Variants in TINAGL1 observed in about 807,000 individuals in gnomAD.
The protein encoded by TINAGL1 is tubulointerstitial nephritis antigen-like.
In TINAGL1, 34 loss-of-function variants were observed where a neutral mutation model predicts 62.0. That is an observed-to-expected ratio of 0.55 (90% confidence interval 0.42 to 0.73). The LOEUF is 0.73. Among genes scored for constraint, TINAGL1 ranks in the 30% least tolerant of loss-of-function variants. The pLI, the probability that TINAGL1 is intolerant of heterozygous loss-of-function variation, is 0.00. For missense variants in TINAGL1, 516 were observed against 653.2 expected (o/e 0.79, Z 2.29); for synonymous variants, 221 against 249.7 (o/e 0.88, Z 1.08).
In TINAGL1 at chr1:31,577,206, C is replaced by T; in HGVS notation, c.58C>T (p.Leu20=). Residue 20 remains leucine (L), a synonymous_variant, in exon 2 of 12, where the codon CTG becomes TTG. Transcript: ENST00000271064. The surrounding 1 kb of genome is among the most constrained non-coding windows in gnomAD (Gnocchi z 5.4). ...GCTGCCGCTGGCTGGCCACTTGGCT[C>T]TGGGTGCCCAGCAGGGTCGTGGGCG... is the stretch of plus-strand genomic sequence containing the variant. ...LLLPLAGHLA[L]GAQQGRGRRE... is the part of the protein sequence containing the mutation. 1 of 1,595,658 alleles carries T rather than the reference C, an allele frequency of 6.3e-7. No homozygotes were observed. The highest frequency in any genetic ancestry group is 1.1e-5 in the South Asian group (1 of 89,548).
intron 3 of TINAGL1, among the ~76,000 whole-genome samples, chr1:31,582,511 G>T (rs897568861): frequency 6.6e-6 from 1 of 152,114 alleles, no homozygotes; most frequent in Non-Finnish European, 1.5e-5. Context: ...GCCAGTGGAG[G>T]GTTTTGGGCA....
chr1:31,582,482 T>C (rs866161930), intron 3 of TINAGL1, among the ~76,000 whole-genome samples: 4 of 152,126 alleles, frequency 2.6e-5, no homozygotes, highest in Non-Finnish European at 5.9e-5. Context: ...AAACTTTGGC[T>C]CTTATTCTGT....
chr1:31,577,676 A>G lies in TINAGL1; in HGVS notation c.310+218A>G, dbSNP rs538919146. The stretch of plus-strand genomic sequence containing the variant: ...GCCCAGGGAAAGGGCAACCTCCCAC[A>G]TTTTCTCCCAATCCTGTCTCTTTTC... On this transcript the variant is annotated intron_variant, in intron 2 of 11. Transcript: ENST00000271064. The surrounding 1 kb of genome is among the most constrained non-coding windows in gnomAD (Gnocchi z 5.4). 37 of 571,722 alleles carry G rather than the reference A, an allele frequency of 6.5e-5. No homozygotes were observed. In the East Asian group the frequency reaches 9.6e-4, roughly 15 times the overall value. The allele number at this position is 571,722 out of a possible 1,614,324, so 35.4% of individuals were successfully genotyped here.
intron 3 of TINAGL1, among the ~76,000 whole-genome samples, chr1:31,581,939 T>C (rs1442952283): frequency 6.6e-6 from 1 of 152,208 alleles, no homozygotes; most frequent in Non-Finnish European, 1.5e-5. Flanking sequence ...ATTCATTGGG[T>C]GCTTACTATG....
In TINAGL1 at chr1:31,585,966, A is replaced by C. The variant is rs1046657875; in HGVS notation, c.1217+90A>C. ...GCCTTGGGTTCTTACAACCTCTCTAAAAAGCCAGGACTGCTCTCATCATTT... is the reference window on the plus strand; with the variant it reads ...GCCTTGGGTTCTTACAACCTCTCTACAAAGCCAGGACTGCTCTCATCATTT... On this transcript the variant is annotated intron_variant, in intron 10 of 11. Transcript: ENST00000271064. This position sits in a 1 kb window ranked among gnomAD's most constrained non-coding sequence, Gnocchi z 4.3. 1.4e-6 allele frequency: 2 copies of C among 1,446,306 alleles called. No homozygotes were observed. The highest frequency in any genetic ancestry group is 1.8e-6 in the Non-Finnish European group (2 of 1,090,762). The allele number at this position is 1,446,306 out of a possible 1,614,324, so 89.6% of individuals were successfully genotyped here. A position where few individuals can be genotyped will look rare whatever the true frequency, so the allele number is the denominator to read the frequency against.
Position 31,577,081 on chromosome 1 carries a change from C to T in TINAGL1, c.-15-53C>T. 7.2e-7 allele frequency: 1 copy of T among 1,393,340 alleles called. No individual in the cohort carries two copies. Among genetic ancestry groups the T allele is most frequent in the Non-Finnish European group, 9.4e-7 (1 of 1,062,116 alleles). The allele number at this position is 1,393,340 out of a possible 1,614,324, so 86.3% of individuals were successfully genotyped here. A position where few individuals can be genotyped will look rare whatever the true frequency, so the allele number is the denominator to read the frequency against. The stretch of plus-strand genomic sequence containing the variant: ...CTCACAGCTCCAGGAAACTGGGAGA[C>T]TCATCCCTGGTGTTCCAGGGAGTCT... On this transcript the variant is annotated intron_variant, in intron 1 of 11. Transcript: ENST00000271064. This position sits in a 1 kb window ranked among gnomAD's most constrained non-coding sequence, Gnocchi z 5.4.
Position 31,576,959 on chromosome 1 carries a change from C to T in TINAGL1, c.-15-175C>T, listed in dbSNP as rs150605976. The T allele has an allele frequency of 2.4e-3, 1,414 of 580,178 alleles. 22 individuals are homozygous for T. The highest frequency in any genetic ancestry group is 0.023 in the African/African-American group (1,249 of 53,476). 35.9% of individuals were successfully genotyped at this position (580,178 alleles called of 1,614,324 possible). A position where few individuals can be genotyped will look rare whatever the true frequency, so the allele number is the denominator to read the frequency against. On this transcript the variant is annotated intron_variant, in intron 1 of 11. Transcript: ENST00000271064. The surrounding 1 kb of genome is among the most constrained non-coding windows in gnomAD (Gnocchi z 5.1). ...GCTCCGTTTCTGCCCAGTCCCCATCCCCCTATAGCCAGGGCCCACACACTG... is the reference window on the plus strand; with the variant it reads ...GCTCCGTTTCTGCCCAGTCCCCATCTCCCTATAGCCAGGGCCCACACACTG...
chr1:31,584,604 T>C lies in TINAGL1; in HGVS notation c.583-74T>C, dbSNP rs116859504. On this transcript the variant is annotated intron_variant, in intron 5 of 11. Transcript: ENST00000271064. This position sits in a 1 kb window ranked among gnomAD's most constrained non-coding sequence, Gnocchi z 4.0. ...CAGAAGGCCCTGGACTTGGTGGCCC[T>C]CCAGTGCCAATGGGCACCTGAGGGG... 804 of 1,605,980 alleles carry C rather than the reference T, an allele frequency of 5.0e-4. 6 individuals are homozygous for C. The East Asian group carries it at 0.016, about 32-fold the overall frequency.
intron 3 of TINAGL1, chr1:31,580,174 T>G: frequency 3.5e-6 from 1 of 283,104 alleles, no homozygotes; most frequent in Non-Finnish European, 5.2e-6. Context: ...TCTCTCTCTC[T>G]CTCTCTCTCT....
rs200953189 is a variant in TINAGL1, at chr1:31,577,269, C to G, written c.121C>G (p.Arg41Gly). The change falls in exon 2 of 12, where the codon CGG (arginine) becomes GGG (glycine). Residue 41 changes from arginine to glycine, a missense_variant. Physicochemically the swap from Arg to Gly is moderately radical, Grantham distance 125. Coordinates refer to ENST00000271064, the MANE Select transcript of TINAGL1 (RefSeq NM_022164.3). The surrounding 1 kb of genome is among the most constrained non-coding windows in gnomAD (Gnocchi z 5.4). Reference protein sequence around the residue: ...LAPGLHLRGIRDAGGRYCQEQ... With the variant: ...LAPGLHLRGIGDAGGRYCQEQ... ...ACCGGGTCTGCACCTGCGGGGCATC[C>G]GGGACGCGGGAGGCCGGTACTGCCA... 6.2e-7 allele frequency: 1 copy of G among 1,611,808 alleles called. No individual in the cohort carries two copies. The highest frequency in any genetic ancestry group is 1.3e-5 in the African/African-American group (1 of 75,046).
Position 31,584,488 on chromosome 1 carries a change from GA to G in TINAGL1, c.583-189del, listed in dbSNP as rs1424578837. 1 of 801,340 alleles carries G rather than the reference GA, an allele frequency of 1.2e-6. No homozygotes were observed. The highest frequency in any genetic ancestry group is 1.7e-5 in the African/African-American group (1 of 57,710). The allele number at this position is 801,340 out of a possible 1,614,324, so 49.6% of individuals were successfully genotyped here. Reference sequence around the variant, plus strand: ...CCCCGCCCCACCACCTGATACCTGGGAGGCACTAAATGGTGCTTGGTTCTTC... The same window carrying G: ...CCCCGCCCCACCACCTGATACCTGGGGGCACTAAATGGTGCTTGGTTCTTC... On this transcript the variant is annotated intron_variant, in intron 5 of 11. Coordinates refer to ENST00000271064, the MANE Select transcript of TINAGL1 (RefSeq NM_022164.3). This position sits in a 1 kb window ranked among gnomAD's most constrained non-coding sequence, Gnocchi z 4.0.
In TINAGL1 at chr1:31,584,587, C is replaced by T. The variant is rs768906506; in HGVS notation, c.583-91C>T. 7.0e-5 allele frequency: 112 copies of T among 1,592,956 alleles called. No homozygotes were observed. Among genetic ancestry groups the T allele is most frequent in the Non-Finnish European group, 8.5e-5 (99 of 1,165,738 alleles). ...GGCTCAAGATTAAACTGCAGAAGGC[C>T]CTGGACTTGGTGGCCCTCCAGTGCC... On this transcript the variant is annotated intron_variant, in intron 5 of 11. Coordinates refer to ENST00000271064, the MANE Select transcript of TINAGL1 (RefSeq NM_022164.3). This position sits in a 1 kb window ranked among gnomAD's most constrained non-coding sequence, Gnocchi z 4.0.
chr1:31,586,432 G>A (rs1028549709), intron 10 of TINAGL1: 1 of 570,920 alleles, frequency 1.8e-6, no homozygotes, highest in Non-Finnish European at 3.1e-6. Context: ...CCCCTAGGAG[G>A]TGGGTCTCTG....
intron 3 of TINAGL1, chr1:31,580,283 C>T (rs1349747383): frequency 8.1e-7 from 1 of 1,229,320 alleles, no homozygotes; most frequent in South Asian, 1.4e-5. Flanking sequence ...TCCCTGGCCC[C>T]TTAGGCCCCC....
In TINAGL1 at chr1:31,577,816, T is replaced by C. The variant is rs1387393463; in HGVS notation, c.310+358T>C. 1 of 226,416 alleles carries C rather than the reference T, an allele frequency of 4.4e-6. No individual in the cohort carries two copies. The highest frequency in any genetic ancestry group is 8.6e-6 in the Non-Finnish European group (1 of 115,942). 14.0% of individuals were successfully genotyped at this position (226,416 alleles called of 1,614,324 possible). A position where few individuals can be genotyped will look rare whatever the true frequency, so the allele number is the denominator to read the frequency against. Reference sequence around the variant, plus strand: ...TCTGCCTTTGCTGAGGATTCTAGGATCCTGTGCCCCGAGATGGCTGCTCAT... The same window carrying C: ...TCTGCCTTTGCTGAGGATTCTAGGACCCTGTGCCCCGAGATGGCTGCTCAT... On this transcript the variant is annotated intron_variant, in intron 2 of 11. Coordinates refer to ENST00000271064, the MANE Select transcript of TINAGL1 (RefSeq NM_022164.3). The surrounding 1 kb of genome is among the most constrained non-coding windows in gnomAD (Gnocchi z 5.4).
At position 31,583,810 on chromosome 1, in the gene TINAGL1, C is replaced by A. The variant is rs902468559; in HGVS notation, c.582+235C>A. 2.4e-5 allele frequency: 13 copies of A among 550,744 alleles called. No homozygotes were observed. The highest frequency in any genetic ancestry group is 3.9e-5 in the Non-Finnish European group (12 of 305,150). The allele number at this position is 550,744 out of a possible 1,614,324, so 34.1% of individuals were successfully genotyped here. A position where few individuals can be genotyped will look rare whatever the true frequency, so the allele number is the denominator to read the frequency against. On this transcript the variant is annotated intron_variant, in intron 5 of 11. Coordinates refer to ENST00000271064, the MANE Select transcript of TINAGL1 (RefSeq NM_022164.3). This position sits in a 1 kb window ranked among gnomAD's most constrained non-coding sequence, Gnocchi z 4.4. ...TCGTGGTCTTGGCATCAGCTCCCCC[C>A]TGATCTCTCCAGCCTGGGAAAAATG...
chr1:31,587,187 C>T lies in TINAGL1; in HGVS notation c.*208C>T, dbSNP rs1639421623. The T allele has an allele frequency of 1.5e-6, 1 of 688,252 alleles. No homozygotes were observed. The highest frequency in any genetic ancestry group is 3.7e-5 in the East Asian group (1 of 26,794). 42.6% of individuals were successfully genotyped at this position (688,252 alleles called of 1,614,324 possible). On this transcript the variant is annotated 3_prime_UTR_variant, in exon 12 of 12. Coordinates refer to ENST00000271064, the MANE Select transcript of TINAGL1 (RefSeq NM_022164.3). Reference sequence around the variant, plus strand: ...AGACTGGCGGAGCCCCCAGACCTCCCAGTGGGGACGGGGCAGGGCCTGGCC... The same window carrying T: ...AGACTGGCGGAGCCCCCAGACCTCCTAGTGGGGACGGGGCAGGGCCTGGCC...
At position 31,585,694 on chromosome 1, in the gene TINAGL1, C is replaced by T; in HGVS notation, c.1094-59C>T. ...GTGCCTGGGCACATCTCAATAGACT[C>T]AGGCTCCAGTGCCTGTGCCAACGGG... On this transcript the variant is annotated intron_variant, in intron 9 of 11. Transcript: ENST00000271064. This position sits in a 1 kb window ranked among gnomAD's most constrained non-coding sequence, Gnocchi z 4.3. 3 of 1,581,302 alleles carry T rather than the reference C, an allele frequency of 1.9e-6. No homozygotes were observed. The highest frequency in any genetic ancestry group is 1.2e-5 in the South Asian group (1 of 84,884).
In TINAGL1 at chr1:31,585,612, C is replaced by A. The variant is rs920929912; in HGVS notation, c.1093+127C>A. 8 of 1,533,054 alleles carry A rather than the reference C, an allele frequency of 5.2e-6. No homozygotes were observed. In the Admixed American group the frequency reaches 1.4e-4, roughly 27 times the overall value. 95.0% of individuals were successfully genotyped at this position (1,533,054 alleles called of 1,614,324 possible). A position where few individuals can be genotyped will look rare whatever the true frequency, so the allele number is the denominator to read the frequency against. Reference sequence around the variant, plus strand: ...GTAGGGCCAGGAGTAGGGGTCCCCCCCTCCCACAGGCAGCACCTGGAGGGA... The same window carrying A: ...GTAGGGCCAGGAGTAGGGGTCCCCCACTCCCACAGGCAGCACCTGGAGGGA... On this transcript the variant is annotated intron_variant, in intron 9 of 11. Coordinates refer to ENST00000271064, the MANE Select transcript of TINAGL1 (RefSeq NM_022164.3). This position sits in a 1 kb window ranked among gnomAD's most constrained non-coding sequence, Gnocchi z 4.3.
Sources: gnomAD v4.1 joint callset for allele counts (sites outside exome capture counted in the v4.1 genomes callset) on GRCh38, gnomAD v4.1.1 for gene constraint, Gnocchi (gnomAD v3.1) non-coding constraint, MANE v1.5 for transcripts, NCBI Gene and HGNC (gene_info 2026-07-23, HGNC 2026-07-21) for gene names.